The following EZH2 variants were observed in gnomAD, a reference collection of about 807,000 sequenced individuals.
EZH2 encodes the protein histone-lysine N-methyltransferase EZH2.
A neutral mutation model predicts 98.4 loss-of-function variants in EZH2; 18 were observed. The observed-to-expected ratio is 0.18, with a 90% confidence interval of 0.13 to 0.27. EZH2 has a LOEUF of 0.27. Among genes scored for constraint, EZH2 ranks in the 10% least tolerant of loss-of-function variants. The pLI is 1.00. For synonymous variants in EZH2, 338 were observed against 312.3 expected (o/e 1.08, Z -0.87); for missense variants, 470 against 935.1 (o/e 0.50, Z 6.49).
chr7:148,881,968 GCGCGCACACACA>G (rs140265180), intron 1 of EZH2, among the ~76,000 whole-genome samples: 22,052 of 93,556 alleles, frequency 0.24, 1,832 homozygotes, highest in East Asian at 0.33. Flanking sequence ...ACACACACGC[GCGCGCACACACA>G]CACACACACA....
chr7:148,818,277 T>C lies in EZH2; in HGVS notation c.1000-160A>G, dbSNP rs569287949. Among the ~76,000 whole-genome samples the C allele has an allele frequency of 7.2e-5, 11 of 152,362 alleles. No homozygotes were observed. In the East Asian group the frequency reaches 7.7e-4, roughly 11 times the overall value. The stretch of plus-strand genomic sequence containing the variant: ...CATGTCTAATATACTTGTTTTGATA[T>C]GCTTTTGATAGTCTGAAAATTTCAG... On this transcript the variant is annotated intron_variant, in intron 9 of 19. Transcript: ENST00000320356.
chr7:148,810,530 G>A lies in EZH2; in HGVS notation c.1948-116C>T, dbSNP rs1802738216. 1.9e-5 allele frequency: 12 copies of A among 615,442 alleles called. No homozygotes were observed. The South Asian group carries it at 2.1e-4, about 11-fold the overall frequency. The allele number at this position is 615,442 out of a possible 1,614,324, so 38.1% of individuals were successfully genotyped here. A position where few individuals can be genotyped will look rare whatever the true frequency, so the allele number is the denominator to read the frequency against. On this transcript the variant is annotated intron_variant, in intron 16 of 19. Coordinates refer to ENST00000320356, the MANE Select transcript of EZH2 (RefSeq NM_004456.5). ...CTTCTGGAGAAAACGCAACAAAAAG[G>A]GTCACTACAGCCAAGTTCTCTTTCC...
intron 3 of EZH2, among the ~76,000 whole-genome samples, chr7:148,840,513 C>T (rs981805398): frequency 6.6e-6 from 1 of 152,082 alleles, no homozygotes. Flanking sequence ...GGGACTTTTG[C>T]TTTCTGTTTT....
At chr7:148,817,727 AAAC>A in intron 10 of EZH2, 147 bp downstream of exon 10, 2 of 1,156,972 alleles carry the variant, frequency 1.7e-6, no homozygotes, top group Non-Finnish European at 2.5e-6. Context: ...CAGGAAACAG[AAAC>A]AACACAGCTA....
At position 148,827,175 on chromosome 7, in the gene EZH2, T is replaced by C. The variant is rs990475036; in HGVS notation, c.717A>G (p.Glu239=). ...GAACAAATTCTTACTTTTCCTTTAGTTCTTCTGCTGTGCCCTTATCTGGAA... is the reference window on the plus strand; with the variant it reads ...GAACAAATTCTTACTTTTCCTTTAGCTCTTCTGCTGTGCCCTTATCTGGAA... ...SMFPDKGTAE[E]LKEKYKELTE... The change falls in exon 7 of 20, where the codon GAA becomes GAG. Residue 239 remains glutamate (E), a synonymous_variant. Transcript: ENST00000320356. 6.2e-7 allele frequency: 1 copy of C among 1,611,614 alleles called. No individual in the cohort carries two copies. The highest frequency in any genetic ancestry group is 8.5e-7 in the Non-Finnish European group (1 of 1,179,204).
In EZH2 at chr7:148,870,334, T is replaced by C. The variant is rs184875474; in HGVS notation, c.-8+13830A>G. The stretch of plus-strand genomic sequence containing the variant: ...CTTGCATTATTAATTAATTTTAATA[T>C]AACACGTTTTAGATCAGAATTTTAT... On this transcript the variant is annotated intron_variant, in intron 1 of 19. Coordinates refer to ENST00000320356, the MANE Select transcript of EZH2 (RefSeq NM_004456.5). 1.2e-4 allele frequency among the ~76,000 whole-genome samples: 18 copies of C among 152,330 alleles called. No individual in the cohort carries two copies. The East Asian group carries it at 3.5e-3, about 29-fold the overall frequency.
intron 1 of EZH2, among the ~76,000 whole-genome samples, chr7:148,867,619 C>T (rs1216199456): frequency 6.6e-6 from 1 of 152,076 alleles, no homozygotes; most frequent in Non-Finnish European, 1.5e-5. Flanking sequence ...AGCATTTTAC[C>T]CCATGTATCG....
At chr7:148,813,851 G>T in intron 15 of EZH2, 108 bp downstream of exon 15, 1 of 1,159,236 alleles carries the variant, frequency 8.6e-7, no homozygotes, top group African/African-American at 1.5e-5. Context: ...CACCTTTCAA[G>T]GATCACTTTT....
intron 1 of EZH2, among the ~76,000 whole-genome samples, chr7:148,873,051 C>CTCA (rs1474343999): frequency 1.3e-5 from 2 of 152,104 alleles, no homozygotes; most frequent in African/African-American, 4.8e-5. Flanking sequence ...GACATCGTGT[C>CTCA]TCACGTCTAT....
chr7:148,870,342 T>C (rs781161236), intron 1 of EZH2, among the ~76,000 whole-genome samples: 2 of 152,154 alleles, frequency 1.3e-5, no homozygotes, highest in Non-Finnish European at 2.9e-5. Context: ...TATAACACGT[T>C]TTAGATCAGA....
At chr7:148,863,301 T>G (rs753489594) in intron 1 of EZH2, among the ~76,000 whole-genome samples, 7 of 151,988 alleles carry the variant, frequency 4.6e-5, no homozygotes, top group African/African-American at 7.3e-5. Context: ...AAATCACCAC[T>G]CTTGCAACTA....
Position 148,815,488 on chromosome 7 carries a change from G to T in EZH2, c.1546+18C>A. On this transcript the variant is annotated intron_variant, in intron 13 of 19. Coordinates refer to ENST00000320356, the MANE Select transcript of EZH2 (RefSeq NM_004456.5). ...GATATTGTTAAGCTAATAATGAGAG[G>T]AATGGAAAGATGCTAACCCTTTTTC... The T allele has an allele frequency of 6.2e-7, 1 of 1,609,136 alleles. No individual in the cohort carries two copies. The highest frequency in any genetic ancestry group is 8.5e-7 in the Non-Finnish European group (1 of 1,175,368).
chr7:148,816,660 T>A, intron 12 of EZH2, 24 bp downstream of exon 12: 1 of 1,581,462 alleles, frequency 6.3e-7, no homozygotes, highest in Non-Finnish European at 8.7e-7. Flanking sequence ...TTGACTTCTC[T>A]AAGGAGCTTC....
At chr7:148,850,755 G>GC (rs1195050413) in intron 1 of EZH2, among the ~76,000 whole-genome samples, 1 of 151,974 alleles carries the variant, frequency 6.6e-6, no homozygotes, top group Non-Finnish European at 1.5e-5. Context: ...TCCCAAGACC[G>GC]CCCCCCGCCA....
At chr7:148,846,400 CCAAA>C in intron 3 of EZH2, 66 bp downstream of exon 3, 1 of 1,535,746 alleles carries the variant, frequency 6.5e-7, no homozygotes, top group Non-Finnish European at 8.8e-7. Flanking sequence ...CTCCCAATAA[CCAAA>C]CAAATGTTCC....
At chr7:148,821,961 A>C (rs1399606951) in intron 8 of EZH2, among the ~76,000 whole-genome samples, 1 of 152,250 alleles carries the variant, frequency 6.6e-6, no homozygotes, top group Non-Finnish European at 1.5e-5. Flanking sequence ...TGAGAAACCC[A>C]AATACATATG....
intron 3 of EZH2, among the ~76,000 whole-genome samples, chr7:148,835,492 A>C (rs1245796970): frequency 6.6e-6 from 1 of 151,642 alleles, no homozygotes; most frequent in Non-Finnish European, 1.5e-5. Context: ...ACAACTTATT[A>C]ATACTACCAA....
chr7:148,837,468 G>A (rs1025884098), intron 3 of EZH2, among the ~76,000 whole-genome samples: 2 of 152,176 alleles, frequency 1.3e-5, no homozygotes, highest in Non-Finnish European at 2.9e-5. Context: ...TATTCTGCAG[G>A]ACTTGAGGAA....
chr7:148,878,742 T>C (rs1376309801), intron 1 of EZH2, among the ~76,000 whole-genome samples: 1 of 151,352 alleles, frequency 6.6e-6, no homozygotes, highest in Non-Finnish European at 1.5e-5. Flanking sequence ...CTACAAAAAA[T>C]ACAAAAATTA....
Sources: allele counts gnomAD v4.1 joint callset (sites outside exome capture counted in the v4.1 genomes callset), GRCh38; gene constraint gnomAD v4.1.1; transcripts MANE v1.5; gene names NCBI Gene and HGNC (gene_info 2026-07-23, HGNC 2026-07-21).